SHISA6: variants seen among roughly 807,000 people sequenced by gnomAD.
SHISA6 encodes the protein protein shisa-6.
SHISA6 carries 22 observed loss-of-function variants against 47.9 expected under a neutral mutation model. The observed-to-expected ratio is 0.46, with a 90% CI of 0.33 to 0.66. The LOEUF (loss-of-function observed/expected upper bound fraction) is 0.66. Ranked by LOEUF, SHISA6 falls within the 30% of genes least tolerant of loss-of-function variation. The probability of loss-of-function intolerance (pLI) is 0.02; values close to 1 mark genes in which losing one functional copy is unlikely to be tolerated. For missense variants in SHISA6, 680 were observed against 764.6 expected (o/e 0.89, Z 1.30); for synonymous variants, 388 against 337.8 (o/e 1.15, Z -1.63).
intron 2 of SHISA6, among the ~76,000 whole-genome samples, chr17:11,349,623 C>T (rs1169924679): frequency 1.3e-5 from 2 of 152,098 alleles, no homozygotes; most frequent in Non-Finnish European, 1.5e-5. Flanking sequence ...ATGGGGGACG[C>T]GTGAATGTGT....
chr17:11,548,921 A>G (rs2142385334), intron 3 of SHISA6, among the ~76,000 whole-genome samples: 1 of 152,338 alleles, frequency 6.6e-6, no homozygotes, highest in South Asian at 2.1e-4. Flanking sequence ...AAAGTAGTAT[A>G]TGCAGCATGA....
intron 3 of SHISA6, among the ~76,000 whole-genome samples, chr17:11,498,351 T>C (rs2071425093): frequency 6.6e-6 from 1 of 152,208 alleles, no homozygotes; most frequent in African/African-American, 2.4e-5. Flanking sequence ...TATGAGTATC[T>C]GTCTTCCTGA....
rs897463566 is a variant in SHISA6 at position 11,544,838 on chromosome 17, G to A, written c.896-7058G>A. Among the ~76,000 whole-genome samples, 5 of 151,658 alleles carry A rather than the reference G, an allele frequency of 3.3e-5. No homozygotes were observed. The South Asian group carries it at 8.3e-4, about 25-fold the overall frequency. ...TAGCCAAGTGTGGTGGCAGACAGCT[G>A]TAGTCCCAGCCACTCGGGAGGCTGA... On this transcript the variant is annotated intron_variant, in intron 3 of 5. Transcript: ENST00000441885.
chr17:11,457,190 C>T (rs753218950), intron 3 of SHISA6, among the ~76,000 whole-genome samples: 3 of 152,196 alleles, frequency 2.0e-5, no homozygotes, highest in Non-Finnish European at 4.4e-5. Context: ...GTTTCGAATG[C>T]ATGCAGCCCT....
intron 3 of SHISA6, among the ~76,000 whole-genome samples, chr17:11,382,326 A>G (rs1433077689): frequency 6.6e-6 from 1 of 152,010 alleles, no homozygotes; most frequent in Non-Finnish European, 1.5e-5. Flanking sequence ...TGATCCTTCC[A>G]CCTTCCCCTC....
chr17:11,252,831 C>G (rs1408499566), intron 1 of SHISA6, among the ~76,000 whole-genome samples: 2 of 152,192 alleles, frequency 1.3e-5, no homozygotes, highest in African/African-American at 4.8e-5. Flanking sequence ...GGGGAAGAAT[C>G]TGGATTCCAC....
intron 3 of SHISA6, among the ~76,000 whole-genome samples, chr17:11,548,458 T>TATATATAC (rs1555543966): frequency 2.7e-5 from 4 of 146,730 alleles, no homozygotes; most frequent in East Asian, 4.0e-4. Flanking sequence ...TATATATATA[T>TATATATAC]ACATATATCA....
rs961065466 is a variant in SHISA6 at position 11,301,739 on chromosome 17, A to T, written c.799+38213A>T. 2.5e-4 allele frequency among the ~76,000 whole-genome samples: 38 copies of T among 152,130 alleles called. 1 individual carries two copies. Among genetic ancestry groups the T allele is most frequent in the Non-Finnish European group, 1.0e-4 (7 of 68,028 alleles). On this transcript the variant is annotated intron_variant, in intron 2 of 5. Coordinates refer to ENST00000441885, the MANE Select transcript of SHISA6 (RefSeq NM_207386.4). ...AGTCAATGTCATGCCGGTAGAAAGG[A>T]TGGGAATGCAGGTGTGACTCCTTCA...
chr17:11,447,692 GATTGACAGCAGA>G lies in SHISA6; in HGVS notation c.895+68184_895+68195del, dbSNP rs575246767. Among the ~76,000 whole-genome samples the G allele has an allele frequency of 1.2e-4, 19 of 152,338 alleles. No homozygotes were observed. The South Asian group carries it at 3.9e-3, about 32-fold the overall frequency. On this transcript the variant is annotated intron_variant, in intron 3 of 5. Coordinates refer to ENST00000441885, the MANE Select transcript of SHISA6 (RefSeq NM_207386.4). ...GATTCCTGCTTTGTTCACTCGGATG[GATTGACAGCAGA>G]GCTGCCTCATTAAAGCCTTCTCATA...
chr17:11,502,698 G>T (rs977333869), intron 3 of SHISA6, among the ~76,000 whole-genome samples: 14 of 152,218 alleles, frequency 9.2e-5, no homozygotes, highest in Non-Finnish European at 1.6e-4. Flanking sequence ...TCGCACTCCA[G>T]CCTGGATGAC....
intron 2 of SHISA6, among the ~76,000 whole-genome samples, chr17:11,348,003 G>A (rs1234090660): frequency 1.3e-5 from 2 of 152,248 alleles, no homozygotes; most frequent in African/African-American, 2.4e-5. Flanking sequence ...TGGACTGCCA[G>A]AGTTAATTGG....
chr17:11,248,013 C>A (rs1197328854), intron 1 of SHISA6, among the ~76,000 whole-genome samples: 2 of 152,062 alleles, frequency 1.3e-5, no homozygotes, highest in East Asian at 3.9e-4. Context: ...TGACCTCATG[C>A]TCTGCCCACC....
At chr17:11,317,814 CTTTAT>C (rs202234759) in intron 2 of SHISA6, among the ~76,000 whole-genome samples, 1,891 of 151,160 alleles carry the variant, frequency 0.013, 42 homozygotes, top group African/African-American at 0.043. Context: ...TGAAAAAATT[CTTTAT>C]TTTATTATTC....
chr17:11,330,378 G>C (rs1197736445), intron 2 of SHISA6, among the ~76,000 whole-genome samples: 2 of 152,110 alleles, frequency 1.3e-5, no homozygotes, highest in African/African-American at 2.4e-5. Context: ...TTCCATCTGT[G>C]CTAGGTGATA....
intron 3 of SHISA6, among the ~76,000 whole-genome samples, chr17:11,449,247 G>A (rs1257293672): frequency 6.6e-6 from 1 of 152,052 alleles, no homozygotes; most frequent in Non-Finnish European, 1.5e-5. Flanking sequence ...TTCGAGACCA[G>A]CCTGGGCAAC....
At position 11,412,603 on chromosome 17, in the gene SHISA6, G is replaced by A. The variant is rs374754334; in HGVS notation, c.895+33094G>A. 7.9e-5 allele frequency among the ~76,000 whole-genome samples: 12 copies of A among 151,278 alleles called. 1 individual carries two copies. The East Asian group carries it at 1.6e-3, about 20-fold the overall frequency. On this transcript the variant is annotated intron_variant, in intron 3 of 5. Transcript: ENST00000441885. ...GTCGCTCAGGCTGGAGTGCAGTGGC[G>A]CGATCTTGGCTCACTGCAAGCTCCA...
chr17:11,335,608 C>T (rs1000083735), intron 2 of SHISA6, among the ~76,000 whole-genome samples: 1 of 152,130 alleles, frequency 6.6e-6, no homozygotes, highest in Admixed American at 6.5e-5. Flanking sequence ...CCTCAAGCCC[C>T]ATGAAAAGGG....
intron 1 of SHISA6, among the ~76,000 whole-genome samples, chr17:11,257,440 T>C (rs772881861): frequency 1.3e-5 from 2 of 151,940 alleles, no homozygotes; most frequent in Non-Finnish European, 2.9e-5. Context: ...GGAGGCAGAT[T>C]GCCTGAGTTT....
Position 11,241,522 on chromosome 17 carries a change from AC to A in SHISA6, c.103del (p.Leu35Ter). The A allele has an allele frequency of 8.9e-7, 1 of 1,129,222 alleles. No homozygotes were observed. The highest frequency in any genetic ancestry group is 2.7e-5 in the South Asian group (1 of 37,280). 70.0% of individuals were successfully genotyped at this position (1,129,222 alleles called of 1,614,324 possible). A position where few individuals can be genotyped will look rare whatever the true frequency, so the allele number is the denominator to read the frequency against. Reference protein sequence around the residue: ...HGARGRAANRTLSAGGAAVGG... With the variant: ...HGARGRAANRXLSAGGAAVGG... ...AGCCCGCGGCCGCGCCGCCAACCGG[AC>A]CCTGAGTGCAGGCGGCGCTGCCGTC... On this transcript the variant is annotated frameshift_variant, in exon 1 of 6. Transcript: ENST00000441885. LOFTEE classifies it high-confidence loss of function. The surrounding 1 kb of genome is among the most constrained non-coding windows in gnomAD (Gnocchi z 5.5).
Sources: allele counts gnomAD v4.1 joint callset (sites outside exome capture counted in the v4.1 genomes callset), GRCh38; gene constraint gnomAD v4.1.1; non-coding constraint Gnocchi (gnomAD v3.1); transcripts MANE v1.5; gene names NCBI Gene and HGNC (gene_info 2026-07-23, HGNC 2026-07-21).